The following STEAP2 variants were observed in gnomAD, a reference collection of about 807,000 sequenced individuals.
STEAP2 encodes the protein STEAP2 metalloreductase.
STEAP2 carries 30 observed loss-of-function variants against 46.4 expected under a neutral mutation model. The ratio of observed to expected loss-of-function variants is 0.65; its 90% CI spans 0.48 to 0.88. The LOEUF (loss-of-function observed/expected upper bound fraction) is 0.88. STEAP2 is among the 40% of genes least tolerant of loss of function. The pLI is 0.00. For missense variants in STEAP2, 513 were observed against 579.3 expected (o/e 0.89, Z 1.18); for synonymous variants, 180 against 200.5 (o/e 0.90, Z 0.86).
At chr7:90,219,662 A>G (rs771560061) in intron 2 of STEAP2, among the ~76,000 whole-genome samples, 1 of 152,098 alleles carries the variant, frequency 6.6e-6, no homozygotes, top group Non-Finnish European at 1.5e-5. Context: ...CCCTTTGATC[A>G]TGATGTGTGT....
At position 90,235,541 on chromosome 7, in the gene STEAP2, C is replaced by A; in HGVS notation, c.*2917C>A. ...ACCTTAGAGCAGTGGAGATTTGCTA[C>A]CTGGTCTGTGTTTTGAGAAGTGCCC... On this transcript the variant is annotated 3_prime_UTR_variant, in exon 6 of 6. Transcript: ENST00000394621. The A allele has an allele frequency of 1.0e-6, 1 of 984,750 alleles. No individual in the cohort carries two copies. Among genetic ancestry groups the A allele is most frequent in the South Asian group, 4.7e-5 (1 of 21,258 alleles). 61.0% of individuals were successfully genotyped at this position (984,750 alleles called of 1,614,324 possible).
At chr7:90,222,907 C>T (rs1390885537) in intron 2 of STEAP2, among the ~76,000 whole-genome samples, 1 of 152,002 alleles carries the variant, frequency 6.6e-6, no homozygotes, top group Admixed American at 6.6e-5. Flanking sequence ...TGAAATGGTC[C>T]ACATCTGCTA....
intron 1 of STEAP2, among the ~76,000 whole-genome samples, chr7:90,212,987 A>G (rs1327580241): frequency 1.3e-5 from 2 of 151,894 alleles, no homozygotes; most frequent in South Asian, 2.1e-4. Flanking sequence ...CTTTAACCCT[A>G]TAATTTTTTT....
downstream of STEAP2, among the ~76,000 whole-genome samples, chr7:90,238,633 C>A (rs1404202546): frequency 1.3e-5 from 2 of 152,206 alleles, no homozygotes; most frequent in African/African-American, 4.8e-5. Context: ...CCTTCTCCTA[C>A]TGCCTCACTT....
At position 90,229,859 on chromosome 7, in the gene STEAP2, G is replaced by A. The variant is rs749867799; in HGVS notation, c.1021-13G>A. 1.2e-5 allele frequency: 19 copies of A among 1,609,626 alleles called. No individual in the cohort carries two copies. Among genetic ancestry groups the A allele is most frequent in the African/African-American group, 8.0e-5 (6 of 74,676 alleles). On this transcript the variant is annotated splice_polypyrimidine_tract_variant and intron_variant, in intron 4 of 5. Transcript: ENST00000394621. ...TACTAAATAAAGGAAATTCACATTCGCTTTCTTGTTAGGTTCATGCAAATA... is the reference window on the plus strand; with the variant it reads ...TACTAAATAAAGGAAATTCACATTCACTTTCTTGTTAGGTTCATGCAAATA...
chr7:90,221,315 T>C (rs1316285677), intron 2 of STEAP2, among the ~76,000 whole-genome samples: 1 of 152,168 alleles, frequency 6.6e-6, no homozygotes, highest in Non-Finnish European at 1.5e-5. Flanking sequence ...TGTTGTTGGG[T>C]GTATATATGT....
chr7:90,232,890 T>C lies in STEAP2; in HGVS notation c.*266T>C. ...CACAACTGTAACCCTGTTGTTACTT[T>C]ATATTTCATAATCAGGCAAAAATAC... On this transcript the variant is annotated 3_prime_UTR_variant, in exon 6 of 6. Transcript: ENST00000394621. 1 of 1,063,962 alleles carries C rather than the reference T, an allele frequency of 9.4e-7. No homozygotes were observed. Among genetic ancestry groups the C allele is most frequent in the Non-Finnish European group, 1.1e-6 (1 of 879,708 alleles). The allele number at this position is 1,063,962 out of a possible 1,614,324, so 65.9% of individuals were successfully genotyped here. A position where few individuals can be genotyped will look rare whatever the true frequency, so the allele number is the denominator to read the frequency against.
rs1488611209 is a variant in STEAP2, at chr7:90,233,267, A to T, written c.*643A>T. 1.1e-5 allele frequency: 10 copies of T among 939,208 alleles called. No individual in the cohort carries two copies. The highest frequency in any genetic ancestry group is 1.3e-5 in the Non-Finnish European group (10 of 788,004). 58.2% of individuals were successfully genotyped at this position (939,208 alleles called of 1,614,324 possible). ...TATTTGAGACATGAAATACATACTG[A>T]TAATACATACCTCATGAAAGATTTT... On this transcript the variant is annotated 3_prime_UTR_variant, in exon 6 of 6. Transcript: ENST00000394621.
Position 90,225,297 on chromosome 7 carries a change from A to C in STEAP2, c.215A>C (p.His72Pro). 1 of 1,613,986 alleles carries C rather than the reference A, an allele frequency of 6.2e-7. No homozygotes were observed. The highest frequency in any genetic ancestry group is 8.5e-7 in the Non-Finnish European group (1 of 1,179,952). ...NPKFASEFFP[H>P]VVDVTHHEDA... is the part of the protein sequence containing the mutation. ...AAGTTTGCTTCTGAATTTTTTCCTC[A>C]TGTGGTAGATGTCACTCATCATGAA... Residue 72 changes from histidine (H) to proline (P), a missense_variant, in exon 3 of 6, where the codon CAT becomes CCT. By Grantham distance (77) the His-to-Pro change is moderately conservative (BLOSUM62 -2). Transcript: ENST00000394621.
intron 2 of STEAP2, among the ~76,000 whole-genome samples, chr7:90,221,676 A>C (rs2116230746): frequency 6.6e-6 from 1 of 152,296 alleles, no homozygotes; most frequent in South Asian, 2.1e-4. Flanking sequence ...GATACAGGTA[A>C]CTTAGAGATC....
intron 1 of STEAP2, chr7:90,212,307 G>C (rs1794846554): frequency 6.5e-6 from 1 of 152,728 alleles, no homozygotes; most frequent in African/African-American, 2.4e-5. Flanking sequence ...TTGGGCCCAG[G>C]AGAAAGAAGG....
Position 90,222,224 on chromosome 7 carries a change from CT to C in STEAP2, c.-33-2825del, listed in dbSNP as rs778247893. The stretch of plus-strand genomic sequence containing the variant: ...TTTTTTCCTACCCTGGTACCTCTGA[CT>C]CCTGCCTGCCTTTCTGGGTGCATGG... On this transcript the variant is annotated intron_variant, in intron 2 of 5. Coordinates refer to ENST00000394621, the MANE Select transcript of STEAP2 (RefSeq NM_001244944.2). 2.5e-4 allele frequency among the ~76,000 whole-genome samples: 38 copies of C among 152,194 alleles called. No homozygotes were observed. The Middle Eastern group carries it at 0.024, about 95-fold the overall frequency.
Position 90,235,710 on chromosome 7 carries a change from C to A in STEAP2, c.*3086C>A, listed in dbSNP as rs1335922863. 4 of 811,232 alleles carry A rather than the reference C, an allele frequency of 4.9e-6. No individual in the cohort carries two copies. Among genetic ancestry groups the A allele is most frequent in the Non-Finnish European group, 6.0e-6 (4 of 671,330 alleles). 50.3% of individuals were successfully genotyped at this position (811,232 alleles called of 1,614,324 possible). On this transcript the variant is annotated 3_prime_UTR_variant, in exon 6 of 6. Coordinates refer to ENST00000394621, the MANE Select transcript of STEAP2 (RefSeq NM_001244944.2). ...TTTTATGTAAATATTTCTTATGTCTCCTCTATTAAGAGTATTTAAAATCAT... is the reference window on the plus strand; with the variant it reads ...TTTTATGTAAATATTTCTTATGTCTACTCTATTAAGAGTATTTAAAATCAT...
chr7:90,229,599 T>A (rs1198202219), intron 4 of STEAP2, among the ~76,000 whole-genome samples: 1 of 152,162 alleles, frequency 6.6e-6, no homozygotes, highest in African/African-American at 2.4e-5. Flanking sequence ...CCAGAGTCCC[T>A]GTAATGATGA....
At chr7:90,232,308 GTTTCT>G (rs1376141075) in intron 5 of STEAP2, 24 bp from the exon 6 acceptor site, 1 of 1,525,924 alleles carries the variant, frequency 6.6e-7, no homozygotes, top group Admixed American at 2.1e-5. Flanking sequence ...CTTATTCTTT[GTTTCT>G]TTTCCTTCCT....
chr7:90,234,937 T>G lies in STEAP2; in HGVS notation c.*2313T>G. On this transcript the variant is annotated 3_prime_UTR_variant, in exon 6 of 6. Coordinates refer to ENST00000394621, the MANE Select transcript of STEAP2 (RefSeq NM_001244944.2). ...CACTTGAGAATCACTTGTTAGTTCT[T>G]GGTAGGAATTCAGTTGGGCAATGAT... is the stretch of plus-strand genomic sequence containing the variant. The G allele has an allele frequency of 1.0e-6, 1 of 983,858 alleles. No individual in the cohort carries two copies. The highest frequency in any genetic ancestry group is 1.2e-6 in the Non-Finnish European group (1 of 828,534). 60.9% of individuals were successfully genotyped at this position (983,858 alleles called of 1,614,324 possible). A position where few individuals can be genotyped will look rare whatever the true frequency, so the allele number is the denominator to read the frequency against.
At chr7:90,214,172 G>A (rs1794922581) in intron 1 of STEAP2, among the ~76,000 whole-genome samples, 1 of 152,194 alleles carries the variant, frequency 6.6e-6, no homozygotes, top group Non-Finnish European at 1.5e-5. Flanking sequence ...GACTAGCCTG[G>A]TATTGGTGGA....
chr7:90,214,828 G>T (rs1490295946), intron 1 of STEAP2, among the ~76,000 whole-genome samples: 4 of 152,184 alleles, frequency 2.6e-5, no homozygotes, highest in African/African-American at 9.7e-5. Context: ...AGTGCTTGGA[G>T]ATTTCAGGCA....
At chr7:90,219,744 A>C (rs888830315) in intron 2 of STEAP2, among the ~76,000 whole-genome samples, 2 of 152,078 alleles carry the variant, frequency 1.3e-5, no homozygotes, top group African/African-American at 4.8e-5. Flanking sequence ...CACAATTTTT[A>C]GGAGACAGGG....
Sources: allele counts gnomAD v4.1 joint callset (sites outside exome capture counted in the v4.1 genomes callset), GRCh38; gene constraint gnomAD v4.1.1; transcripts MANE v1.5; gene names NCBI Gene and HGNC (gene_info 2026-07-23, HGNC 2026-07-21).